Variants in CSMD3 observed in about 807,000 individuals in gnomAD.
The protein encoded by CSMD3 is CUB and sushi domain-containing protein 3.
CSMD3 carries 177 observed loss-of-function variants against 435.2 expected under a neutral mutation model. That is an observed-to-expected ratio of 0.41 (90% CI 0.36 to 0.46). The LOEUF is 0.46. Ranked by LOEUF, CSMD3 falls within the 20% of genes least tolerant of loss-of-function variation. The pLI, the probability that CSMD3 is intolerant of heterozygous loss-of-function variation, is 0.34. For missense variants in CSMD3, 4,265 were observed against 4,504.6 expected (o/e 0.95, Z 1.52); for synonymous variants, 1,656 against 1,520.5 (o/e 1.09, Z -2.07).
intron 45 of CSMD3, among the ~76,000 whole-genome samples, chr8:112,331,977 G>A (rs547288475): frequency 6.6e-6 from 1 of 151,970 alleles, no homozygotes; most frequent in Non-Finnish European, 1.5e-5. Context: ...TTGTTAAGGA[G>A]GATGTAATTT....
intron 3 of CSMD3, among the ~76,000 whole-genome samples, chr8:113,187,110 TAGC>T (rs1204178330): frequency 6.6e-6 from 1 of 151,880 alleles, no homozygotes; most frequent in Non-Finnish European, 1.5e-5. Context: ...GGGGGGCTGT[TAGC>T]AGGAACCCCT....
chr8:112,292,421 T>C (rs1231317864), intron 55 of CSMD3, 116 bp downstream of exon 55: 28 of 934,474 alleles, frequency 3.0e-5, no homozygotes, highest in Non-Finnish European at 4.6e-5. Flanking sequence ...TAAAGCTTTT[T>C]GTTTTATTAG....
At chr8:112,454,091 A>C (rs1358337060) in intron 32 of CSMD3, among the ~76,000 whole-genome samples, 1 of 152,216 alleles carries the variant, frequency 6.6e-6, no homozygotes, top group Non-Finnish European at 1.5e-5. Context: ...CATATATAAG[A>C]ATTCACTCAA....
At chr8:112,543,895 AAAG>A (rs1189030428) in intron 27 of CSMD3, among the ~76,000 whole-genome samples, 4 of 152,192 alleles carry the variant, frequency 2.6e-5, no homozygotes, top group Non-Finnish European at 4.4e-5. Flanking sequence ...TTGGTCTCTA[AAAG>A]AAGGATTCTG....
chr8:112,228,642 G>T, intron 70 of CSMD3, 114 bp downstream of exon 70: 1 of 1,085,966 alleles, frequency 9.2e-7, no homozygotes, highest in Non-Finnish European at 1.4e-6. Flanking sequence ...TTAGCACACA[G>T]ACATTTCAAC....
rs984785728 is a variant in CSMD3 at position 112,292,622 on chromosome 8, G to A, written c.8703C>T (p.Cys2901=). Residue 2901 remains cysteine, a synonymous_variant, in exon 55 of 71, where the codon TGC becomes TGT. Transcript: ENST00000297405. ...FNFNDVVTFS[C]NIGYLMQGPT... ...GCCCTTGCATAAGATACCCAATATT[G>A]CATGAGAATGTTACCACATCATTAA... The A allele has an allele frequency of 1.2e-6, 2 of 1,613,554 alleles. No homozygotes were observed. Among genetic ancestry groups the A allele is most frequent in the Non-Finnish European group, 1.7e-6 (2 of 1,179,698 alleles).
chr8:112,638,212 A>G (rs1201066426), intron 21 of CSMD3, among the ~76,000 whole-genome samples: 1 of 148,238 alleles, frequency 6.7e-6, no homozygotes, highest in East Asian at 1.9e-4. Flanking sequence ...TAATTAAAAT[A>G]TATAATTTAT....
intron 22 of CSMD3, among the ~76,000 whole-genome samples, chr8:112,633,235 G>A (rs2074565767): frequency 6.6e-6 from 1 of 151,970 alleles, no homozygotes; most frequent in African/African-American, 2.4e-5. Flanking sequence ...TAGTTAAATA[G>A]AGGACAAGCA....
chr8:112,945,550 G>A (rs2083577173), intron 9 of CSMD3, among the ~76,000 whole-genome samples: 1 of 148,844 alleles, frequency 6.7e-6, no homozygotes, highest in African/African-American at 2.5e-5. Flanking sequence ...AAAGTGTGTA[G>A]GTTTAAGTTG....
Position 112,800,639 on chromosome 8 carries a change from T to C in CSMD3, c.1860-365A>G, listed in dbSNP as rs151139714. ...CAAATATATCTTAACATTCCCAGTT[T>C]CACAGAACTTTGTTCTAGAGAAATA... On this transcript the variant is annotated intron_variant, in intron 12 of 70. Coordinates refer to ENST00000297405, the MANE Select transcript of CSMD3 (RefSeq NM_198123.2). Among the ~76,000 whole-genome samples, 84 of 152,170 alleles carry C rather than the reference T, an allele frequency of 5.5e-4. 1 individual carries two copies. The highest frequency in any genetic ancestry group is 1.9e-3 in the African/African-American group (79 of 41,562).
intron 9 of CSMD3, among the ~76,000 whole-genome samples, chr8:112,942,178 G>T: frequency 6.8e-6 from 1 of 147,372 alleles, no homozygotes; most frequent in South Asian, 2.2e-4. Context: ...TTTCCAGAAT[G>T]TCTTATAGTT....
intron 31 of CSMD3, among the ~76,000 whole-genome samples, chr8:112,480,491 C>T (rs1263479392): frequency 3.3e-5 from 5 of 152,052 alleles, no homozygotes; most frequent in East Asian, 1.9e-4. Flanking sequence ...ATGTAATCCT[C>T]AATATTGGAG....
rs529853297 is a variant in CSMD3, at chr8:113,221,801, A to G, written c.515-47885T>C. 1.3e-4 allele frequency among the ~76,000 whole-genome samples: 19 copies of G among 151,386 alleles called. No individual in the cohort carries two copies. The South Asian group carries it at 3.7e-3, about 30-fold the overall frequency. Reference sequence around the variant, plus strand: ...CTCTTCCAAAATGGCACTCACCTTCATCCATTAATATCCCTTAAACTGATT... The same window carrying G: ...CTCTTCCAAAATGGCACTCACCTTCGTCCATTAATATCCCTTAAACTGATT... On this transcript the variant is annotated intron_variant, in intron 3 of 70. Transcript: ENST00000297405.
At chr8:113,157,069 G>A (rs1319178586) in intron 4 of CSMD3, among the ~76,000 whole-genome samples, 1 of 151,896 alleles carries the variant, frequency 6.6e-6, no homozygotes, top group Non-Finnish European at 1.5e-5. Context: ...TGCAAGTGTT[G>A]GTGAGGATAT....
chr8:112,882,737 T>C (rs1239016381), intron 10 of CSMD3, among the ~76,000 whole-genome samples: 2 of 152,164 alleles, frequency 1.3e-5, no homozygotes, highest in East Asian at 1.9e-4. Flanking sequence ...CTAAATTATG[T>C]AGACACTGGA....
intron 13 of CSMD3, 83 bp from the exon 14 acceptor site, chr8:112,690,133 C>G (rs1012114129): frequency 3.0e-6 from 3 of 997,678 alleles, no homozygotes; most frequent in Admixed American, 3.6e-5. Context: ...GATATATGCT[C>G]TTTGTTGTGG....
intron 38 of CSMD3, among the ~76,000 whole-genome samples, chr8:112,379,722 G>T (rs1443100974): frequency 1.3e-5 from 2 of 152,102 alleles, no homozygotes; most frequent in Non-Finnish European, 2.9e-5. Flanking sequence ...AAGAATTCTG[G>T]AGCAAGAAGA....
At chr8:112,427,384 G>A (rs999740399) in intron 32 of CSMD3, among the ~76,000 whole-genome samples, 2 of 152,114 alleles carry the variant, frequency 1.3e-5, no homozygotes, top group Non-Finnish European at 2.9e-5. Context: ...TCTCATGACA[G>A]TGAGTTCTCA....
intron 5 of CSMD3, among the ~76,000 whole-genome samples, chr8:113,027,091 T>C (rs576981086): frequency 6.6e-5 from 10 of 152,244 alleles, no homozygotes; most frequent in African/African-American, 2.4e-4. Context: ...ATGGAGGAAA[T>C]TACACTGTCC....
Sources: gnomAD v4.1 joint callset for allele counts (sites outside exome capture counted in the v4.1 genomes callset) on GRCh38, gnomAD v4.1.1 for gene constraint, MANE v1.5 for transcripts, NCBI Gene and HGNC (gene_info 2026-07-23, HGNC 2026-07-21) for gene names.